Variants in SOX5 observed in about 807,000 individuals in gnomAD.
SOX5 encodes the protein SRY-box transcription factor 5.
In SOX5, 9 loss-of-function variants were observed where a neutral mutation model predicts 92.0. That is an observed-to-expected ratio of 0.10 (90% CI 0.06 to 0.17). The LOEUF is 0.17. Ranked by LOEUF, SOX5 falls within the 10% of genes least tolerant of loss-of-function variation. The pLI is 1.00. For synonymous variants in SOX5, 344 were observed against 336.3 expected (o/e 1.02, Z -0.25); for missense variants, 642 against 944.5 (o/e 0.68, Z 4.20).
At chr12:23,546,608 G>C (rs376491286) in intron 11 of SOX5, among the ~76,000 whole-genome samples, 184 bp from the exon 12 acceptor site, 1 of 152,110 alleles carries the variant, frequency 6.6e-6, no homozygotes, top group Non-Finnish European at 1.5e-5. Flanking sequence ...ATTTTTGAAG[G>C]AACTCTGATT....
At chr12:23,544,470 T>C (rs1942744885) in intron 12 of SOX5, among the ~76,000 whole-genome samples, 1 of 152,224 alleles carries the variant, frequency 6.6e-6, no homozygotes. Flanking sequence ...AGCACTGCTT[T>C]TCTTTTCTTG....
At chr12:24,300,640 G>A (rs1947840248) in intron 2 of SOX5, among the ~76,000 whole-genome samples, 1 of 152,064 alleles carries the variant, frequency 6.6e-6, no homozygotes, top group South Asian at 2.1e-4. Context: ...CTTCCAGGAA[G>A]CCATCCAGTA....
intron 9 of SOX5, among the ~76,000 whole-genome samples, chr12:23,592,603 G>A (rs1951726023): frequency 6.6e-6 from 1 of 152,102 alleles, no homozygotes; most frequent in Admixed American, 6.6e-5. Flanking sequence ...TTGATATTTA[G>A]AAACTTTTAT....
chr12:23,710,841 G>C (rs997084433), intron 6 of SOX5, among the ~76,000 whole-genome samples: 5 of 152,172 alleles, frequency 3.3e-5, no homozygotes, highest in Non-Finnish European at 5.9e-5. Flanking sequence ...GGTTGAACTA[G>C]TTTACAGTCC....
intron 3 of SOX5, among the ~76,000 whole-genome samples, chr12:23,830,021 A>G (rs1039107236): frequency 6.6e-6 from 1 of 152,188 alleles, no homozygotes; most frequent in African/African-American, 2.4e-5. Context: ...AGCCAGAGGT[A>G]TTTCAGGAAA....
chr12:24,332,611 A>G (rs951619141), intron 2 of SOX5, among the ~76,000 whole-genome samples: 1 of 152,200 alleles, frequency 6.6e-6, no homozygotes, highest in African/African-American at 2.4e-5. Flanking sequence ...CTTATTTATG[A>G]AGACAATCGA....
chr12:24,302,404 G>A (rs1654237527), intron 2 of SOX5, among the ~76,000 whole-genome samples: 1 of 152,142 alleles, frequency 6.6e-6, no homozygotes, highest in African/African-American at 2.4e-5. Flanking sequence ...TTCTATACAA[G>A]TACTTTTCAC....
At chr12:24,186,469 A>G (rs1956025785) in intron 4 of SOX5, among the ~76,000 whole-genome samples, 1 of 152,150 alleles carries the variant, frequency 6.6e-6, no homozygotes, top group African/African-American at 2.4e-5. Flanking sequence ...CATTTGAAGC[A>G]ATATTGAAAT....
intron 8 of SOX5, among the ~76,000 whole-genome samples, chr12:23,627,759 T>C (rs966916286): frequency 1.3e-5 from 2 of 151,982 alleles, no homozygotes; most frequent in African/African-American, 4.8e-5. Context: ...ATATCAAACC[T>C]ACCATTTAAA....
chr12:24,020,585 G>A (rs1184545888), intron 4 of SOX5, among the ~76,000 whole-genome samples: 2 of 152,136 alleles, frequency 1.3e-5, no homozygotes, highest in Admixed American at 6.6e-5. Context: ...GCGGAGCTGT[G>A]AATTAGAAAT....
intron 1 of SOX5, among the ~76,000 whole-genome samples, chr12:24,549,135 AT>A (rs1274543107): frequency 3.3e-5 from 5 of 152,224 alleles, no homozygotes; most frequent in African/African-American, 1.2e-4. Context: ...CATCTTTAAA[AT>A]GTGACATTTT....
chr12:23,990,690 G>C (rs1950481963), intron 4 of SOX5, among the ~76,000 whole-genome samples: 1 of 151,966 alleles, frequency 6.6e-6, no homozygotes, highest in African/African-American at 2.4e-5. Context: ...ATGTATTCAT[G>C]TGTATTATTT....
intron 4 of SOX5, among the ~76,000 whole-genome samples, chr12:24,199,194 C>G (rs1379893449): frequency 6.6e-6 from 1 of 152,082 alleles, no homozygotes; most frequent in African/African-American, 2.4e-5. Flanking sequence ...GGATGGATGC[C>G]CATGATTAAA....
intron 4 of SOX5, among the ~76,000 whole-genome samples, chr12:23,971,147 G>A (rs1259114457): frequency 2.9e-5 from 1 of 34,592 alleles, no homozygotes; most frequent in Non-Finnish European, 4.9e-5. Context: ...TTTTGAGAGG[G>A]AGTCTTGCTC....
At chr12:24,310,907 C>T (rs965269549) in intron 2 of SOX5, among the ~76,000 whole-genome samples, 2 of 151,028 alleles carry the variant, frequency 1.3e-5, no homozygotes, top group African/African-American at 4.9e-5. Context: ...TAAAATGATT[C>T]TGAGACTACA....
chr12:24,241,710 A>T (rs1965596110), intron 3 of SOX5, among the ~76,000 whole-genome samples: 1 of 152,178 alleles, frequency 6.6e-6, no homozygotes, highest in African/African-American at 2.4e-5. Context: ...CTATTCAAAA[A>T]TGGTATAGTT....
At chr12:23,933,876 C>T (rs1941977666) in intron 1 of SOX5, among the ~76,000 whole-genome samples, 1 of 151,524 alleles carries the variant, frequency 6.6e-6, no homozygotes, top group Admixed American at 6.6e-5. Context: ...CTGATTGTTC[C>T]TCATCTCTTA....
At position 23,550,317 on chromosome 12, in the gene SOX5, C is replaced by T. The variant is rs921700577; in HGVS notation, c.1489-3893G>A. Among the ~76,000 whole-genome samples, 8 of 151,902 alleles carry T rather than the reference C, an allele frequency of 5.3e-5. No individual in the cohort carries two copies. The East Asian group carries it at 5.8e-4, about 11-fold the overall frequency. On this transcript the variant is annotated intron_variant, in intron 11 of 14. Coordinates refer to ENST00000451604, the MANE Select transcript of SOX5 (RefSeq NM_006940.6). ...ATCATATTTTAATCAAACTCTCTGC[C>T]GTATATATTAGCCATACTGCTTTAG...
intron 3 of SOX5, chr12:24,227,864 C>G (rs1333600126): frequency 3.9e-5 from 6 of 152,206 alleles, no homozygotes; most frequent in African/African-American, 1.4e-4. Flanking sequence ...ATAGAGTTTA[C>G]TAATAAGTTA....
Sources: allele counts gnomAD v4.1 joint callset (sites outside exome capture counted in the v4.1 genomes callset), GRCh38; gene constraint gnomAD v4.1.1; transcripts MANE v1.5; gene names NCBI Gene and HGNC (gene_info 2026-07-23, HGNC 2026-07-21).